The following CARMIL1 variants were observed in gnomAD, a reference collection of about 807,000 sequenced individuals.
CARMIL1 encodes F-actin-uncapping protein LRRC16A.
A neutral mutation model predicts 177.1 loss-of-function variants in CARMIL1; 90 were observed. The observed-to-expected ratio is 0.51, with a 90% CI of 0.43 to 0.61. The LOEUF is 0.61. CARMIL1 is among the 20% of genes least tolerant of loss of function. The probability of loss-of-function intolerance (pLI) is 0.00; values close to 1 mark genes in which losing one functional copy is unlikely to be tolerated. For synonymous variants in CARMIL1, 577 were observed against 606.2 expected, an observed-to-expected ratio of 0.95 and a Z score of 0.71; for missense variants, 1,380 against 1,667.0, an observed-to-expected ratio of 0.83 and a Z score of 3.00.
At chr6:25,329,703 A>G (rs1243840226) in intron 2 of CARMIL1, among the ~76,000 whole-genome samples, 1 of 152,174 alleles carries the variant, frequency 6.6e-6, no homozygotes, top group Non-Finnish European at 1.5e-5. Flanking sequence ...GTGATACCTA[A>G]ATGCAGATTT....
chr6:25,398,196 C>T (rs1175202125), intron 2 of CARMIL1, among the ~76,000 whole-genome samples: 4 of 152,038 alleles, frequency 2.6e-5, no homozygotes, highest in East Asian at 1.9e-4. Flanking sequence ...TTTTTTACTT[C>T]CTATAGTAAG....
chr6:25,502,295 A>G (rs915208011), intron 17 of CARMIL1, among the ~76,000 whole-genome samples: 2 of 151,932 alleles, frequency 1.3e-5, no homozygotes, highest in African/African-American at 4.8e-5. Flanking sequence ...GGCGCGGTCA[A>G]TGCCTGTAAT....
intron 2 of CARMIL1, among the ~76,000 whole-genome samples, chr6:25,371,182 G>A (rs574640456): frequency 1.3e-5 from 2 of 152,308 alleles, no homozygotes; most frequent in Non-Finnish European, 2.9e-5. Flanking sequence ...ACTTAGGTTG[G>A]TTCTGTATCT....
rs549711690 is a variant in CARMIL1, at chr6:25,404,780, G to T, written c.139-15334G>T. Among the ~76,000 whole-genome samples, 17 of 151,794 alleles carry T rather than the reference G, an allele frequency of 1.1e-4. No homozygotes were observed. In the East Asian group the frequency reaches 1.9e-3, roughly 17 times the overall value. On this transcript the variant is annotated intron_variant, in intron 2 of 36. Transcript: ENST00000329474. ...TAAAAAAAAAAAAAAAAATAGAGGTGCAGTGTTCCCTGCTTCACACTAGGA... is the reference window on the plus strand; with the variant it reads ...TAAAAAAAAAAAAAAAAATAGAGGTTCAGTGTTCCCTGCTTCACACTAGGA...
intron 2 of CARMIL1, among the ~76,000 whole-genome samples, chr6:25,373,190 G>T (rs1790596960): frequency 6.6e-6 from 1 of 151,724 alleles, no homozygotes; most frequent in Non-Finnish European, 1.5e-5. Flanking sequence ...TTGATTCAAG[G>T]GTATTGTTCT....
chr6:25,578,346 C>T (rs1309164580), intron 29 of CARMIL1, among the ~76,000 whole-genome samples: 1 of 152,130 alleles, frequency 6.6e-6, no homozygotes, highest in Non-Finnish European at 1.5e-5. Context: ...TGTATTTCAT[C>T]AACCCAACAG....
intron 2 of CARMIL1, among the ~76,000 whole-genome samples, chr6:25,306,265 A>G (rs958625417): frequency 1.1e-3 from 167 of 152,312 alleles, no homozygotes; most frequent in African/African-American, 3.5e-3. Context: ...GTACTGTTCC[A>G]TGACCTTTTA....
At chr6:25,368,957 G>A (rs1474124138) in intron 2 of CARMIL1, among the ~76,000 whole-genome samples, 2 of 152,156 alleles carry the variant, frequency 1.3e-5, no homozygotes, top group Non-Finnish European at 1.5e-5. Context: ...TCTGTTAGGA[G>A]GGTTCGTTTT....
intron 29 of CARMIL1, among the ~76,000 whole-genome samples, chr6:25,562,111 G>A (rs1048321724): frequency 6.6e-6 from 1 of 151,896 alleles, no homozygotes; most frequent in Non-Finnish European, 1.5e-5. Flanking sequence ...TCAAAATGCC[G>A]GGAATGCATG....
chr6:25,310,083 C>G (rs189851197), intron 2 of CARMIL1, among the ~76,000 whole-genome samples: 2 of 152,196 alleles, frequency 1.3e-5, no homozygotes, highest in East Asian at 3.9e-4. Flanking sequence ...TTTTTTTAAT[C>G]TATTCCTTCA....
chr6:25,580,246 G>A (rs1364245573), intron 29 of CARMIL1, among the ~76,000 whole-genome samples: 1 of 152,214 alleles, frequency 6.6e-6, no homozygotes, highest in Non-Finnish European at 1.5e-5. Context: ...ATCCTATTGA[G>A]GGAGAAGATA....
intron 2 of CARMIL1, among the ~76,000 whole-genome samples, chr6:25,374,835 T>G (rs1481854887): frequency 6.6e-6 from 1 of 152,184 alleles, no homozygotes; most frequent in Admixed American, 6.5e-5. Context: ...TAGGCATAGC[T>G]TTTCCTGCTC....
chr6:25,353,816 G>T (rs1218988742), intron 2 of CARMIL1, among the ~76,000 whole-genome samples: 2 of 152,168 alleles, frequency 1.3e-5, no homozygotes, highest in South Asian at 4.1e-4. Context: ...TACTGACAGT[G>T]TCTATTGGCT....
intron 31 of CARMIL1, among the ~76,000 whole-genome samples, chr6:25,589,985 C>T (rs1026785039): frequency 6.6e-6 from 1 of 152,140 alleles, no homozygotes; most frequent in African/African-American, 2.4e-5. Flanking sequence ...ACCCGGAAGT[C>T]CTAGTATACT....
chr6:25,338,154 G>A (rs1299899989), intron 2 of CARMIL1, among the ~76,000 whole-genome samples: 1 of 152,122 alleles, frequency 6.6e-6, no homozygotes, highest in East Asian at 1.9e-4. Context: ...CTACTCGAGA[G>A]GCTGAGTCAG....
chr6:25,599,897 T>C (rs781642468), intron 32 of CARMIL1, among the ~76,000 whole-genome samples: 2 of 152,160 alleles, frequency 1.3e-5, no homozygotes, highest in Non-Finnish European at 2.9e-5. Flanking sequence ...GGATTAACTG[T>C]GTACCAATTT....
At chr6:25,325,528 A>C (rs1358480526) in intron 2 of CARMIL1, among the ~76,000 whole-genome samples, 1 of 152,164 alleles carries the variant, frequency 6.6e-6, no homozygotes, top group Non-Finnish European at 1.5e-5. Flanking sequence ...TTGGAAGATA[A>C]TTTGCTTGGC....
At chr6:25,351,103 G>T (rs1268387771) in intron 2 of CARMIL1, among the ~76,000 whole-genome samples, 1 of 152,062 alleles carries the variant, frequency 6.6e-6, no homozygotes, top group African/African-American at 2.4e-5. Context: ...AGATCTTTGT[G>T]GCCCTCTATG....
chr6:25,450,455 G>A, intron 7 of CARMIL1, 46 bp downstream of exon 7: 1 of 1,470,622 alleles, frequency 6.8e-7, no homozygotes, highest in Non-Finnish European at 9.5e-7. Context: ...CACTCCTGGA[G>A]AATATTCTAA....
Sources: allele counts gnomAD v4.1 joint callset (sites outside exome capture counted in the v4.1 genomes callset), GRCh38; gene constraint gnomAD v4.1.1; transcripts MANE v1.5; gene names NCBI Gene and HGNC (gene_info 2026-07-23, HGNC 2026-07-21).